TCERG1: variants seen among roughly 807,000 people sequenced by gnomAD.
TCERG1 encodes the protein TATA box binding protein (TBP)-associated factor, RNA polymerase II, S, 150kD.
Under a neutral mutation model 144.7 loss-of-function variants are expected in TCERG1, and 37 were observed. The ratio of observed to expected loss-of-function variants is 0.26; its 90% confidence interval spans 0.20 to 0.34. TCERG1 has a LOEUF of 0.34. TCERG1 is among the 10% of genes least tolerant of loss of function. The pLI is 1.00. For synonymous variants in TCERG1, 492 were observed against 458.2 expected, an observed-to-expected ratio of 1.07 and a Z score of -0.94; for missense variants, 1,027 against 1,380.7, an observed-to-expected ratio of 0.74 and a Z score of 4.06.
intron 16 of TCERG1, among the ~76,000 whole-genome samples, chr5:146,496,007 G>T (rs539770124): frequency 1.6e-3 from 238 of 152,278 alleles, no homozygotes; most frequent in African/African-American, 5.6e-3. Flanking sequence ...ACAAAAATTA[G>T]CCAGGTGTGG....
At chr5:146,455,848 T>A (rs116277396) in intron 2 of TCERG1, among the ~76,000 whole-genome samples, 357 of 152,328 alleles carry the variant, frequency 2.3e-3, no homozygotes, top group African/African-American at 8.0e-3. Context: ...TAAAAACATT[T>A]ATGGTATTTT....
chr5:146,501,050 A>G (rs1401981155), intron 17 of TCERG1, among the ~76,000 whole-genome samples: 3 of 152,008 alleles, frequency 2.0e-5, no homozygotes, highest in Non-Finnish European at 4.4e-5. Flanking sequence ...TTGTTTGCCA[A>G]AGTAACTATT....
At chr5:146,510,283 A>G in intron 22 of TCERG1, 158 bp from the exon 23 acceptor site, 1 of 704,824 alleles carries the variant, frequency 1.4e-6, no homozygotes, top group South Asian at 2.0e-5. Context: ...TGCTGAGGCG[A>G]CTTACAAAGG....
At chr5:146,504,813 A>G (rs934411875) in intron 19 of TCERG1, among the ~76,000 whole-genome samples, 2 of 152,096 alleles carry the variant, frequency 1.3e-5, no homozygotes, top group Non-Finnish European at 2.9e-5. Flanking sequence ...TTGGGAGGCC[A>G]AGGCGGGCAG....
At chr5:146,451,319 CTTTTT>C (rs56346846) in intron 1 of TCERG1, among the ~76,000 whole-genome samples, 2 of 138,892 alleles carry the variant, frequency 1.4e-5, no homozygotes, top group African/African-American at 5.3e-5. Context: ...ATCCATATTC[CTTTTT>C]TTTTTTTTTT....
intron 2 of TCERG1, among the ~76,000 whole-genome samples, chr5:146,456,663 C>T (rs1762859254): frequency 6.6e-6 from 1 of 152,122 alleles, no homozygotes; most frequent in Non-Finnish European, 1.5e-5. Flanking sequence ...TTCCATTATC[C>T]AGATTAAGCT....
Position 146,481,159 on chromosome 5 carries a change from A to G in TCERG1, c.1896A>G (p.Ser632=). The change falls in exon 13 of 23, where the codon TCA becomes TCG. Residue 632 remains serine, a synonymous_variant. Transcript: ENST00000679501. The part of the protein sequence containing the change: ...PVKAKKRKRM[S]KKSFMWIARA... ...TAACTGCTTTTATCAGGAGAATGTC[A>G]AAGAAGTCCTTTATGTGGATTGCCC... is the stretch of plus-strand genomic sequence containing the variant. 1.0e-6 allele frequency: 1 copy of G among 985,326 alleles called. No homozygotes were observed. Among genetic ancestry groups the G allele is most frequent in the East Asian group, 1.1e-4 (1 of 8,816 alleles). 61.0% of individuals were successfully genotyped at this position (985,326 alleles called of 1,614,324 possible).
At position 146,469,535 on chromosome 5, in the gene TCERG1, T is replaced by G; in HGVS notation, c.1199-9T>G. 3.8e-6 allele frequency: 6 copies of G among 1,567,030 alleles called. No homozygotes were observed. The highest frequency in any genetic ancestry group is 5.2e-6 in the Non-Finnish European group (6 of 1,162,538). ...ACTTGGATCTAATTTTTTATTATTCTTTTTTTAGGTGTATTGCCAGGAATG... is the reference window on the plus strand; with the variant it reads ...ACTTGGATCTAATTTTTTATTATTCGTTTTTTAGGTGTATTGCCAGGAATG... On this transcript the variant is annotated splice_polypyrimidine_tract_variant and intron_variant, in intron 6 of 22. Coordinates refer to ENST00000679501, the MANE Select transcript of TCERG1 (RefSeq NM_001382548.1).
At position 146,503,418 on chromosome 5, in the gene TCERG1, ACAGT is replaced by A; in HGVS notation, c.2483_2486del (p.Gln828LeufsTer6). ...GAACTATTATCTAATCATCACTTGG[ACAGT>A]CAGTCTCGATGGAGCAAAGTAAAAG... On this transcript the variant is annotated frameshift_variant, in exon 18 of 23. Transcript: ENST00000679501. LOFTEE classifies it high-confidence loss of function. 6.2e-7 allele frequency: 1 copy of A among 1,613,784 alleles called. No homozygotes were observed. Among genetic ancestry groups the A allele is most frequent in the Non-Finnish European group, 8.5e-7 (1 of 1,179,836 alleles).
chr5:146,463,357 T>C (rs1384003945), intron 4 of TCERG1, among the ~76,000 whole-genome samples, 194 bp from the exon 5 acceptor site: 1 of 152,252 alleles, frequency 6.6e-6, no homozygotes, highest in African/African-American at 2.4e-5. Context: ...TTTATCCCAT[T>C]TTACTTTGTA....
chr5:146,506,511 G>A (rs1372051124), intron 19 of TCERG1, among the ~76,000 whole-genome samples: 1 of 152,110 alleles, frequency 6.6e-6, no homozygotes, highest in Admixed American at 6.6e-5. Context: ...ATTTTTTGTG[G>A]TGAGACACTT....
chr5:146,483,665 C>A, intron 15 of TCERG1, 36 bp downstream of exon 15: 1 of 1,486,572 alleles, frequency 6.7e-7, no homozygotes, highest in Non-Finnish European at 9.2e-7. Context: ...GAATGTATAT[C>A]TCTTGCCAAC....
chr5:146,492,542 C>T (rs74984356), intron 15 of TCERG1, among the ~76,000 whole-genome samples: 372 of 152,106 alleles, frequency 2.4e-3, no homozygotes, highest in African/African-American at 8.1e-3. Flanking sequence ...AAGAGAAGCA[C>T]GGAAATAAAA....
chr5:146,486,090 G>GT (rs769549248), intron 15 of TCERG1, among the ~76,000 whole-genome samples: 15 of 151,970 alleles, frequency 9.9e-5, no homozygotes, highest in Non-Finnish European at 2.1e-4. Context: ...AAATAAACAC[G>GT]TTTTTTGAAT....
intron 9 of TCERG1, among the ~76,000 whole-genome samples, chr5:146,474,320 G>T (rs1309849832): frequency 6.6e-6 from 1 of 152,200 alleles, no homozygotes; most frequent in Non-Finnish European, 1.5e-5. Context: ...TGAGCCTGAA[G>T]ATGAGCCAGA....
At chr5:146,498,124 G>A (rs1484620479) in intron 16 of TCERG1, among the ~76,000 whole-genome samples, 1 of 151,974 alleles carries the variant, frequency 6.6e-6, no homozygotes, top group Non-Finnish European at 1.5e-5. Context: ...CTTGAAATCG[G>A]TTGCCTCATA....
In TCERG1 at chr5:146,510,762, A is replaced by T; in HGVS notation, c.*120A>T. 1 of 947,256 alleles carries T rather than the reference A, an allele frequency of 1.1e-6. No homozygotes were observed. The highest frequency in any genetic ancestry group is 1.5e-6 in the Non-Finnish European group (1 of 661,012). 58.7% of individuals were successfully genotyped at this position (947,256 alleles called of 1,614,324 possible). On this transcript the variant is annotated 3_prime_UTR_variant, in exon 23 of 23. Coordinates refer to ENST00000679501, the MANE Select transcript of TCERG1 (RefSeq NM_001382548.1). The stretch of plus-strand genomic sequence containing the variant: ...GAAACCATCTGACAAACAGAAGGAG[A>T]AGCATTTGTGAACAGTTTCTGAACA...
chr5:146,491,639 G>A (rs1007208517), intron 15 of TCERG1, among the ~76,000 whole-genome samples: 3 of 152,118 alleles, frequency 2.0e-5, no homozygotes, highest in African/African-American at 7.2e-5. Context: ...TTAGTATTTG[G>A]TATGTGTTTG....
In TCERG1 at chr5:146,455,346, A is replaced by T. The variant is rs970034524; in HGVS notation, c.285+65A>T. 94 of 1,550,728 alleles carry T rather than the reference A, an allele frequency of 6.1e-5. No homozygotes were observed. In the Admixed American group the frequency reaches 1.0e-3, roughly 16 times the overall value. ...TTATCAATATTATATATGGGTTTTG[A>T]GTTAAAAACTTACATTCTTAAATAG... On this transcript the variant is annotated intron_variant, in intron 2 of 22. Transcript: ENST00000679501.
Sources: gnomAD v4.1 joint callset for allele counts (sites outside exome capture counted in the v4.1 genomes callset) on GRCh38, gnomAD v4.1.1 for gene constraint, MANE v1.5 for transcripts, NCBI Gene and HGNC (gene_info 2026-07-23, HGNC 2026-07-21) for gene names.